The following RIC1 variants were observed in gnomAD, a reference collection of about 807,000 sequenced individuals.
RIC1 encodes guanine nucleotide exchange factor subunit RIC1.
RIC1 carries 88 observed loss-of-function variants against 169.0 expected under a neutral mutation model. The observed-to-expected ratio is 0.52, with a 90% CI of 0.44 to 0.62. The LOEUF is 0.62. Ranked by LOEUF, RIC1 falls within the 20% of genes least tolerant of loss-of-function variation. The probability of loss-of-function intolerance (pLI) is 0.00; values close to 1 mark genes in which losing one functional copy is unlikely to be tolerated. For missense variants in RIC1, 1,877 were observed against 1,725.5 expected, an observed-to-expected ratio of 1.09 and a Z score of -1.56; for synonymous variants, 790 against 601.5, an observed-to-expected ratio of 1.31 and a Z score of -4.59.
intron 8 of RIC1, among the ~76,000 whole-genome samples, chr9:5,739,422 C>G (rs1159186845): frequency 1.3e-5 from 2 of 152,102 alleles, no homozygotes; most frequent in East Asian, 3.9e-4. Flanking sequence ...TATCCCACAC[C>G]CTTAATATCC....
chr9:5,640,034 G>A (rs1259622911), intron 1 of RIC1, among the ~76,000 whole-genome samples: 1 of 152,090 alleles, frequency 6.6e-6, no homozygotes, highest in Non-Finnish European at 1.5e-5. Context: ...CCCACTCTCT[G>A]TCTTTTGATT....
chr9:5,722,804 G>A (rs924351902), intron 6 of RIC1, among the ~76,000 whole-genome samples: 6 of 152,100 alleles, frequency 3.9e-5, no homozygotes, highest in African/African-American at 1.4e-4. Context: ...CAGAACATAC[G>A]GTGTTTGGTT....
intron 4 of RIC1, among the ~76,000 whole-genome samples, chr9:5,717,005 T>C (rs539571871): frequency 6.6e-6 from 1 of 152,326 alleles, no homozygotes; most frequent in South Asian, 2.1e-4. Flanking sequence ...CCACTTTCAA[T>C]TAAATGAGAA....
At position 5,629,291 on chromosome 9, in the gene RIC1, C is replaced by CG; in HGVS notation, c.-14dup. ...GTGTGACGGACGCAACTGGGGGCGC[C>CG]GGGGGCTCCGCACGGACCATGTATT... is the stretch of plus-strand genomic sequence containing the variant. On this transcript the variant is annotated 5_prime_UTR_variant, in exon 1 of 26. Transcript: ENST00000414202. 6.8e-7 allele frequency: 1 copy of CG among 1,473,912 alleles called. No homozygotes were observed. The allele number at this position is 1,473,912 out of a possible 1,614,324, so 91.3% of individuals were successfully genotyped here.
intron 2 of RIC1, among the ~76,000 whole-genome samples, chr9:5,660,074 C>G (rs1819357202): frequency 6.6e-6 from 1 of 152,152 alleles, no homozygotes; most frequent in South Asian, 2.1e-4. Flanking sequence ...TCTCATCATT[C>G]AGCTCCCACT....
chr9:5,643,500 C>T (rs1411197148), intron 1 of RIC1, among the ~76,000 whole-genome samples: 1 of 151,792 alleles, frequency 6.6e-6, no homozygotes, highest in Non-Finnish European at 1.5e-5. Context: ...AGGGTGAAAC[C>T]CTTTCTCAAA....
At chr9:5,706,008 G>A (rs976675370) in intron 3 of RIC1, among the ~76,000 whole-genome samples, 1 of 152,186 alleles carries the variant, frequency 6.6e-6, no homozygotes, top group Non-Finnish European at 1.5e-5. Flanking sequence ...CTTGGTAGTG[G>A]TGGATAATCC....
rs115733932 is a variant in RIC1 at position 5,766,350 on chromosome 9, A to G, written c.3137+552A>G. 3.3e-3 allele frequency among the ~76,000 whole-genome samples: 496 copies of G among 152,190 alleles called. 6 individuals are homozygous for G. Among genetic ancestry groups the G allele is most frequent in the African/African-American group, 0.011 (468 of 41,528 alleles). ...GCCACCCTACCTGGCCAAATGCTAC[A>G]AACTTTTTTTTCCCATAAGTTACTG... On this transcript the variant is annotated intron_variant, in intron 21 of 25. Transcript: ENST00000414202.
chr9:5,740,480 G>A (rs1420195966), intron 8 of RIC1, among the ~76,000 whole-genome samples: 1 of 151,800 alleles, frequency 6.6e-6, no homozygotes, highest in African/African-American at 2.4e-5. Context: ...TATTTATAAA[G>A]GGGAGTTTAT....
At chr9:5,673,559 A>ATATATATAT (rs1554663256) in intron 2 of RIC1, among the ~76,000 whole-genome samples, 36 of 92,698 alleles carry the variant, frequency 3.9e-4, no homozygotes, top group African/African-American at 1.7e-3. Flanking sequence ...TATATATATA[A>ATATATATAT]ATAAATGTTG....
In RIC1 at chr9:5,773,078, C is replaced by T; in HGVS notation, c.3981C>T (p.Asp1327=). 1 of 1,590,788 alleles carries T rather than the reference C, an allele frequency of 6.3e-7. No individual in the cohort carries two copies. Among genetic ancestry groups the T allele is most frequent in the Non-Finnish European group, 8.6e-7 (1 of 1,168,764 alleles). ...CAGTGGACCGATGGGCCTCTACAGA[C>T]TGGTAAGTGCTGCTTTCCTTAGGCT... The part of the protein sequence containing the change: ...LHAVDRWAST[D]CPGYKPFLNI... Residue 1327 remains aspartate (D), a splice_region_variant and synonymous_variant, in exon 25 of 26, where the codon GAC becomes GAT. Coordinates refer to ENST00000414202, the MANE Select transcript of RIC1 (RefSeq NM_020829.4).
intron 3 of RIC1, among the ~76,000 whole-genome samples, chr9:5,710,554 A>T (rs547540656): frequency 6.6e-6 from 1 of 152,338 alleles, no homozygotes; most frequent in African/African-American, 2.4e-5. Context: ...GCCTGCAGAC[A>T]CGTAGTCACC....
At position 5,763,806 on chromosome 9, in the gene RIC1, T is replaced by G. The variant is rs1586712183; in HGVS notation, c.2779T>G (p.Phe927Val). The G allele has an allele frequency of 6.2e-7, 1 of 1,614,168 alleles. No individual in the cohort carries two copies. Among genetic ancestry groups the G allele is most frequent in the East Asian group, 2.2e-5 (1 of 44,882 alleles). ...AGCTGTTGGAAACCCTAAGGACTTGTTTGAGGAGTGTTTGATGGCTCAGGA... is the reference window on the plus strand; with the variant it reads ...AGCTGTTGGAAACCCTAAGGACTTGGTTGAGGAGTGTTTGATGGCTCAGGA... ...FAAVGNPKDL[F>V]EECLMAQDLD... Residue 927 changes from phenylalanine (F) to valine (V), a missense_variant, in exon 19 of 26, where the codon TTT (phenylalanine) becomes GTT (valine). By Grantham distance (50) the Phe-to-Val change is conservative. Around this residue, in one of 3 missense-constraint regions of RIC1, gnomAD observed 92 missense variants for 151.5 expected, o/e 0.61. Coordinates refer to ENST00000414202, the MANE Select transcript of RIC1 (RefSeq NM_020829.4). The surrounding 1 kb of genome is among the most constrained non-coding windows in gnomAD (Gnocchi z 5.2).
intron 1 of RIC1, among the ~76,000 whole-genome samples, chr9:5,631,502 A>G (rs765236516): frequency 6.6e-6 from 1 of 152,062 alleles, no homozygotes; most frequent in Non-Finnish European, 1.5e-5. Context: ...CCTGGCCAAC[A>G]TGGTGAAATC....
intron 4 of RIC1, among the ~76,000 whole-genome samples, chr9:5,715,301 G>A (rs1165678605): frequency 6.6e-6 from 1 of 152,152 alleles, no homozygotes; most frequent in Non-Finnish European, 1.5e-5. Context: ...TCCACCTGGT[G>A]GGAAACCTTG....
chr9:5,730,967 C>T (rs1824338503), intron 6 of RIC1, among the ~76,000 whole-genome samples: 1 of 152,140 alleles, frequency 6.6e-6, no homozygotes, highest in Admixed American at 6.5e-5. Flanking sequence ...GCCAGAAATG[C>T]TCCTACATTA....
intron 1 of RIC1, among the ~76,000 whole-genome samples, chr9:5,638,513 C>G (rs1307235913): frequency 6.6e-6 from 1 of 152,196 alleles, no homozygotes; most frequent in African/African-American, 2.4e-5. Flanking sequence ...CAGGTTCAAT[C>G]TCACTGTTGT....
chr9:5,726,668 G>A (rs1248119584), intron 6 of RIC1, among the ~76,000 whole-genome samples: 3 of 152,112 alleles, frequency 2.0e-5, no homozygotes, highest in Admixed American at 1.3e-4. Flanking sequence ...TTACAATTTG[G>A]CATGTTTTTG....
intron 2 of RIC1, among the ~76,000 whole-genome samples, chr9:5,689,650 G>T (rs1563902906): frequency 6.6e-6 from 1 of 152,088 alleles, no homozygotes; most frequent in East Asian, 1.9e-4. Flanking sequence ...AGTTCAAAAA[G>T]TACTATATAT....
Sources: gnomAD v4.1 joint callset for allele counts (sites outside exome capture counted in the v4.1 genomes callset) on GRCh38, gnomAD v4.1.1 for gene constraint, gnomAD v4.1.1 regional missense constraint, Gnocchi (gnomAD v3.1) non-coding constraint, MANE v1.5 for transcripts, NCBI Gene and HGNC (gene_info 2026-07-23, HGNC 2026-07-21) for gene names.